Variants in FANCC observed in about 807,000 individuals in gnomAD.
FANCC encodes the protein FA complementation group C, also known as Fanconi anemia group C protein.
A neutral mutation model predicts 71.3 loss-of-function variants in FANCC; 55 were observed. That is an observed-to-expected ratio of 0.77 (90% CI 0.62 to 0.97). The LOEUF (loss-of-function observed/expected upper bound fraction) is 0.97, where lower values mean the gene tolerates loss of function less well. Ranked by LOEUF, FANCC falls within the 50% of genes least tolerant of loss-of-function variation. FANCC has a pLI of 0.00. For missense variants in FANCC, 678 were observed against 670.9 expected, an observed-to-expected ratio of 1.01 and a Z score of -0.12; for synonymous variants, 275 against 244.9, an observed-to-expected ratio of 1.12 and a Z score of -1.15.
chr9:95,241,425 A>G (rs374049324), intron 3 of FANCC, among the ~76,000 whole-genome samples: 1 of 151,906 alleles, frequency 6.6e-6, no homozygotes, highest in Non-Finnish European at 1.5e-5. Flanking sequence ...TTTTGCAGGA[A>G]CATCTACTTG....
chr9:95,133,960 TC>T (rs1827269647), intron 8 of FANCC, among the ~76,000 whole-genome samples: 1 of 152,230 alleles, frequency 6.6e-6, no homozygotes, highest in Admixed American at 6.5e-5. Context: ...ATATGACTCT[TC>T]CGGATGGTAA....
At chr9:95,259,845 G>A (rs546380833) in intron 1 of FANCC, among the ~76,000 whole-genome samples, 19 of 151,720 alleles carry the variant, frequency 1.3e-4, no homozygotes, top group South Asian at 8.4e-4. Context: ...ACAAATTTAC[G>A]AGAAAAAAAC....
chr9:95,271,334 C>G (rs1832701275), intron 1 of FANCC, among the ~76,000 whole-genome samples: 1 of 152,190 alleles, frequency 6.6e-6, no homozygotes. Flanking sequence ...TGGTAACATT[C>G]AGGATCCTGA....
intron 4 of FANCC, among the ~76,000 whole-genome samples, chr9:95,226,457 C>T (rs1358827028): frequency 1.3e-5 from 2 of 152,166 alleles, no homozygotes; most frequent in Non-Finnish European, 2.9e-5. Flanking sequence ...AGCGTCTCCC[C>T]GGGCAGCTGC....
intron 1 of FANCC, among the ~76,000 whole-genome samples, chr9:95,277,093 T>A (rs1038761567): frequency 6.6e-6 from 1 of 152,210 alleles, no homozygotes; most frequent in Non-Finnish European, 1.5e-5. Flanking sequence ...TGAACAGTTA[T>A]TAGCCAAAGA....
chr9:95,172,977 A>G (rs112026833), intron 4 of FANCC, among the ~76,000 whole-genome samples: 2,718 of 152,314 alleles, frequency 0.018, 101 homozygotes, highest in African/African-American at 0.061. Context: ...TACAGATTCT[A>G]TATTATCAAA....
chr9:95,211,062 A>AT (rs1160617070), intron 4 of FANCC, among the ~76,000 whole-genome samples: 3 of 152,220 alleles, frequency 2.0e-5, no homozygotes, highest in Admixed American at 2.0e-4. Context: ...CTAGCAAGCT[A>AT]TTATATGTAT....
intron 4 of FANCC, among the ~76,000 whole-genome samples, chr9:95,236,016 A>G (rs1329279340): frequency 2.0e-5 from 3 of 152,148 alleles, no homozygotes; most frequent in Non-Finnish European, 4.4e-5. Context: ...TTTTTAATTT[A>G]TAAGTTTTTT....
chr9:95,273,085 G>A (rs1270444522), intron 1 of FANCC, among the ~76,000 whole-genome samples: 1 of 152,182 alleles, frequency 6.6e-6, no homozygotes, highest in Non-Finnish European at 1.5e-5. Context: ...AAGGACAAAT[G>A]TGATCAATAA....
chr9:95,178,208 T>G (rs1184147690), intron 4 of FANCC, among the ~76,000 whole-genome samples: 1 of 152,158 alleles, frequency 6.6e-6, no homozygotes, highest in Non-Finnish European at 1.5e-5. Flanking sequence ...CAACTCACTG[T>G]CCACAAGGAC....
At chr9:95,197,919 C>T (rs1487228027) in intron 4 of FANCC, among the ~76,000 whole-genome samples, 1 of 152,088 alleles carries the variant, frequency 6.6e-6, no homozygotes, top group Non-Finnish European at 1.5e-5. Context: ...CCACAGGACC[C>T]AAAAATAGTA....
chr9:95,151,827 C>T (rs567089225), intron 6 of FANCC, among the ~76,000 whole-genome samples: 12 of 150,386 alleles, frequency 8.0e-5, no homozygotes, highest in South Asian at 4.3e-4. Flanking sequence ...CTCGGGGGGG[C>T]GGAGGTGGGA....
intron 13 of FANCC, chr9:95,109,892 C>A (rs1199068691): frequency 6.6e-6 from 1 of 152,208 alleles, no homozygotes; most frequent in Non-Finnish European, 1.5e-5. Flanking sequence ...CTCACAAAAC[C>A]CAGGAAAACA....
At chr9:95,272,963 G>A (rs1832824613) in intron 1 of FANCC, among the ~76,000 whole-genome samples, 1 of 152,146 alleles carries the variant, frequency 6.6e-6, no homozygotes, top group Non-Finnish European at 1.5e-5. Flanking sequence ...GGGGTACAGA[G>A]AGATGAAGAA....
intron 4 of FANCC, among the ~76,000 whole-genome samples, chr9:95,196,260 G>C (rs1827450251): frequency 6.6e-6 from 1 of 151,924 alleles, no homozygotes; most frequent in Admixed American, 6.6e-5. Context: ...TTATGAAGTT[G>C]AGGTAATTCC....
chr9:95,295,007 G>A (rs1228322603), intron 1 of FANCC, among the ~76,000 whole-genome samples: 1 of 152,048 alleles, frequency 6.6e-6, no homozygotes, highest in African/African-American at 2.4e-5. Context: ...AGTTTGAGAT[G>A]TTGATCTAAA....
intron 4 of FANCC, among the ~76,000 whole-genome samples, chr9:95,201,377 T>A (rs928467012): frequency 6.6e-6 from 1 of 152,096 alleles, no homozygotes. Flanking sequence ...AACTTTTTAA[T>A]GGAACTGTTC....
At chr9:95,186,793 T>C (rs1826750511) in intron 4 of FANCC, among the ~76,000 whole-genome samples, 1 of 150,334 alleles carries the variant, frequency 6.7e-6, no homozygotes. Flanking sequence ...CTGTTGGATT[T>C]TTTTTTTTTT....
intron 4 of FANCC, among the ~76,000 whole-genome samples, chr9:95,177,345 T>C (rs1000083796): frequency 2.0e-5 from 3 of 152,204 alleles, no homozygotes; most frequent in African/African-American, 7.2e-5. Context: ...TTCCCATGAA[T>C]GGAGCCTGAA....
Sources: gnomAD v4.1 joint callset for allele counts (sites outside exome capture counted in the v4.1 genomes callset) on GRCh38, gnomAD v4.1.1 for gene constraint, MANE v1.5 for transcripts, NCBI Gene and HGNC (gene_info 2026-07-23, HGNC 2026-07-21) for gene names.